The following ASXL2 variants were observed in gnomAD, a reference collection of about 807,000 sequenced individuals.
The protein encoded by ASXL2 is putative Polycomb group protein ASXL2.
Under a neutral mutation model 122.0 loss-of-function variants are expected in ASXL2, and 23 were observed. That is an observed-to-expected ratio of 0.19 (90% CI 0.14 to 0.27). The LOEUF (loss-of-function observed/expected upper bound fraction) is 0.27, where lower values mean the gene tolerates loss of function less well. ASXL2 is among the 10% of genes least tolerant of loss of function. The pLI, the probability that ASXL2 is intolerant of heterozygous loss-of-function variation, is 1.00. For synonymous variants in ASXL2, 650 were observed against 637.0 expected (o/e 1.02, Z -0.31); for missense variants, 1,518 against 1,713.8 (o/e 0.89, Z 2.02).
At chr2:25,877,379 T>A (rs2090017813) in intron 1 of ASXL2, among the ~76,000 whole-genome samples, 9 of 152,174 alleles carry the variant, frequency 5.9e-5, no homozygotes, top group Admixed American at 5.9e-4. Context: ...TTCCACTTTT[T>A]AAAATCTACC....
chr2:25,766,378 CCTTT>C (rs1355480635), intron 8 of ASXL2, among the ~76,000 whole-genome samples: 3 of 152,138 alleles, frequency 2.0e-5, no homozygotes, highest in South Asian at 2.1e-4. Context: ...CTCTGTTCTT[CCTTT>C]CTGATAGTCC....
chr2:25,846,735 G>A (rs906132672), intron 1 of ASXL2, among the ~76,000 whole-genome samples: 2 of 152,212 alleles, frequency 1.3e-5, no homozygotes, highest in African/African-American at 2.4e-5. Context: ...AGAATAGCTT[G>A]AACCTGGCAG....
chr2:25,747,136 T>C (rs534484665), intron 12 of ASXL2, among the ~76,000 whole-genome samples: 4 of 152,316 alleles, frequency 2.6e-5, no homozygotes, highest in East Asian at 3.9e-4. Flanking sequence ...TTTCCAAATA[T>C]TGCGATAGGT....
At position 25,744,163 on chromosome 2, in the gene ASXL2, T is replaced by C. The variant is rs57903834; in HGVS notation, c.2174A>G (p.Lys725Arg). The change falls in exon 13 of 13, where the codon AAG (lysine) becomes AGG (arginine). Residue 725 changes from lysine (K) to arginine (R), a missense_variant. Coordinates refer to ENST00000435504, the MANE Select transcript of ASXL2 (RefSeq NM_018263.6). The surrounding 1 kb of genome is among the most constrained non-coding windows in gnomAD (Gnocchi z 4.7). ...TCCTGCCAGTTCCAGTGTGGGGCCC[T>C]TTCCAGTTTCACTGACTCTGTCTGA... ...PGSDRVSETG[K>R]GPTLELAGTG... 8 of 1,614,020 alleles carry C rather than the reference T, an allele frequency of 5.0e-6. No homozygotes were observed. Among genetic ancestry groups the C allele is most frequent in the Non-Finnish European group, 6.8e-6 (8 of 1,179,882 alleles).
intron 1 of ASXL2, among the ~76,000 whole-genome samples, chr2:25,855,200 T>A (rs1323940263): frequency 3.3e-5 from 5 of 152,212 alleles, no homozygotes; most frequent in African/African-American, 7.2e-5. Context: ...GACAGGCACA[T>A]ACACACTAAA....
Position 25,744,935 on chromosome 2 carries a change from CCACACACACACA to C in ASXL2, c.1861-471_1861-460del, listed in dbSNP as rs10579555. On this transcript the variant is annotated intron_variant, in intron 12 of 12. Coordinates refer to ENST00000435504, the MANE Select transcript of ASXL2 (RefSeq NM_018263.6). The surrounding 1 kb of genome is among the most constrained non-coding windows in gnomAD (Gnocchi z 4.7). ...GGGAAAATACTTGCTCTTCTCTGTT[CCACACACACACA>C]CACACACACACACACACACACACAC... 1.8e-3 allele frequency among the ~76,000 whole-genome samples: 254 copies of C among 138,336 alleles called. No individual in the cohort carries two copies. Among genetic ancestry groups the C allele is most frequent in the Middle Eastern group, 3.6e-3 (1 of 278 alleles). 90.8% of individuals were successfully genotyped at this position (138,336 alleles called of 152,430 possible).
rs1251405406 is a variant in ASXL2, at chr2:25,742,662, G to A, written c.3675C>T (p.Cys1225=). The change falls in exon 13 of 13, where the codon TGC becomes TGT. Residue 1225 remains cysteine, a synonymous_variant. Coordinates refer to ENST00000435504, the MANE Select transcript of ASXL2 (RefSeq NM_018263.6). The part of the protein sequence containing the change: ...HSRETLSTSD[C]LASKNVKAEI... ...CAGCCTTCACATTCTTGCTAGCTAA[G>A]CAATCACTGGTAGATAGAGTTTCCC... is the stretch of plus-strand genomic sequence containing the variant. 6.2e-7 allele frequency: 1 copy of A among 1,613,820 alleles called. No individual in the cohort carries two copies. The highest frequency in any genetic ancestry group is 8.5e-7 in the Non-Finnish European group (1 of 1,179,886).
At chr2:25,810,696 T>C in intron 3 of ASXL2, 2 of 680,044 alleles carry the variant, frequency 2.9e-6, no homozygotes. Context: ...AGATCCTGCC[T>C]CCTCTGCTCA....
chr2:25,753,653 A>C lies in ASXL2; in HGVS notation c.1037-14T>G, dbSNP rs1401367144. On this transcript the variant is annotated splice_polypyrimidine_tract_variant and intron_variant, in intron 10 of 12. Transcript: ENST00000435504. ...GTGTAAACTCACCTGCAATGTACCC[A>C]AAAAAGGATATTCAATAGAAAAATG... 4.5e-6 allele frequency: 7 copies of C among 1,568,842 alleles called. No homozygotes were observed. The highest frequency in any genetic ancestry group is 1.1e-5 in the South Asian group (1 of 87,302).
At chr2:25,870,247 C>T (rs932395494) in intron 1 of ASXL2, among the ~76,000 whole-genome samples, 22 of 151,912 alleles carry the variant, frequency 1.4e-4, no homozygotes, top group African/African-American at 4.8e-4. Flanking sequence ...ACCTGGTGGC[C>T]GGCGCAGTGG....
chr2:25,842,769 C>CGTGTGT (rs70950126), intron 2 of ASXL2, among the ~76,000 whole-genome samples: 1 of 145,072 alleles, frequency 6.9e-6, no homozygotes. Context: ...CGTGTGTGCA[C>CGTGTGT]GTGTGTGTGT....
intron 11 of ASXL2, among the ~76,000 whole-genome samples, chr2:25,751,936 A>G (rs2088054348): frequency 6.6e-6 from 1 of 151,866 alleles, no homozygotes; most frequent in Non-Finnish European, 1.5e-5. Flanking sequence ...CACCCAGCTA[A>G]TTTTTTGGTA....
intron 1 of ASXL2, among the ~76,000 whole-genome samples, chr2:25,860,969 A>C (rs926049241): frequency 7.0e-6 from 1 of 143,014 alleles, no homozygotes; most frequent in Non-Finnish European, 1.5e-5. Context: ...CTGAGATCAC[A>C]CCACTGCACT....
chr2:25,854,787 G>A (rs928585018), intron 1 of ASXL2, among the ~76,000 whole-genome samples: 7 of 152,200 alleles, frequency 4.6e-5, no homozygotes, highest in African/African-American at 1.4e-4. Context: ...GTGGCAGAAG[G>A]AGATGATGAA....
At chr2:25,842,703 T>TATAGATAGATAG (rs61348346) in intron 2 of ASXL2, among the ~76,000 whole-genome samples, 1 of 150,174 alleles carries the variant, frequency 6.7e-6, no homozygotes, top group Non-Finnish European at 1.5e-5. Flanking sequence ...TATATATATA[T>TATAGATAGATAG]ATAGATAGAT....
Position 25,742,145 on chromosome 2 carries a change from A to C in ASXL2, c.4192T>G (p.Ser1398Ala), listed in dbSNP as rs1466640707. 1 of 1,614,006 alleles carries C rather than the reference A, an allele frequency of 6.2e-7. No homozygotes were observed. The highest frequency in any genetic ancestry group is 1.7e-5 in the Admixed American group (1 of 60,024). The change falls in exon 13 of 13, where the codon TCG becomes GCG. Residue 1398 changes from serine to alanine, a missense_variant. Coordinates refer to ENST00000435504, the MANE Select transcript of ASXL2 (RefSeq NM_018263.6). Reference protein sequence around the residue: ...SEENSIEGTPSKCYCRLKAMI... With the variant: ...SEENSIEGTPAKCYCRLKAMI... ...GCTTTCAAGCGGCAGTAACATTTCG[A>C]AGGCGTGCCCTCTATGCTGTTCTCT...
At chr2:25,865,100 G>C (rs1330366822) in intron 1 of ASXL2, among the ~76,000 whole-genome samples, 1 of 151,470 alleles carries the variant, frequency 6.6e-6, no homozygotes, top group African/African-American at 2.4e-5. Flanking sequence ...TGAGATTACA[G>C]GTGTGAGCCA....
At chr2:25,850,559 T>C (rs926190926) in intron 1 of ASXL2, among the ~76,000 whole-genome samples, 1 of 152,204 alleles carries the variant, frequency 6.6e-6, no homozygotes, top group Non-Finnish European at 1.5e-5. Context: ...ATGGTATACT[T>C]CCTACCACAC....
intron 5 of ASXL2, among the ~76,000 whole-genome samples, chr2:25,779,853 G>A (rs953018940): frequency 3.9e-5 from 6 of 152,008 alleles, no homozygotes; most frequent in Non-Finnish European, 8.8e-5. Context: ...AAATACAACA[G>A]TATATATGTT....
Sources: gnomAD v4.1 joint callset for allele counts (sites outside exome capture counted in the v4.1 genomes callset) on GRCh38, gnomAD v4.1.1 for gene constraint, Gnocchi (gnomAD v3.1) non-coding constraint, MANE v1.5 for transcripts, NCBI Gene and HGNC (gene_info 2026-07-23, HGNC 2026-07-21) for gene names.